CTNND2: variants seen among roughly 807,000 people sequenced by gnomAD.
CTNND2 encodes catenin delta 2, also known as catenin delta-2.
CTNND2 carries 22 observed loss-of-function variants against 144.4 expected under a neutral mutation model. The ratio of observed to expected loss-of-function variants is 0.15; its 90% confidence interval spans 0.11 to 0.22. CTNND2 has a LOEUF of 0.22. Ranked by LOEUF, CTNND2 falls within the 10% of genes least tolerant of loss-of-function variation. CTNND2 has a pLI of 1.00. For missense variants in CTNND2, 1,353 were observed against 1,618.8 expected (o/e 0.84, Z 2.82); for synonymous variants, 751 against 695.6 (o/e 1.08, Z -1.25).
chr5:11,229,195 T>A (rs1740705773), intron 10 of CTNND2, among the ~76,000 whole-genome samples: 1 of 152,200 alleles, frequency 6.6e-6, no homozygotes, highest in Admixed American at 6.5e-5. Flanking sequence ...TAAAGTCACA[T>A]AATAAAGTTT....
At chr5:11,283,696 AAAAAAAAAAAG>A (rs1747412051) in intron 9 of CTNND2, among the ~76,000 whole-genome samples, 1 of 148,640 alleles carries the variant, frequency 6.7e-6, no homozygotes, top group Non-Finnish European at 1.5e-5. Context: ...AAAAAAAAAA[AAAAAAAAAAAG>A]AGAGAGACAT....
At chr5:11,157,903 T>C (rs1283530255) in intron 12 of CTNND2, among the ~76,000 whole-genome samples, 2 of 152,198 alleles carry the variant, frequency 1.3e-5, no homozygotes, top group Non-Finnish European at 2.9e-5. Context: ...CAAACTGTGC[T>C]CCAGCAACAC....
intron 3 of CTNND2, among the ~76,000 whole-genome samples, chr5:11,443,416 T>G (rs1379267628): frequency 7.9e-6 from 1 of 126,926 alleles, no homozygotes; most frequent in South Asian, 2.7e-4. Flanking sequence ...GGGGGGTGTG[T>G]GGTGTGTGTG....
At chr5:11,357,009 T>C (rs917476582) in intron 8 of CTNND2, among the ~76,000 whole-genome samples, 9 of 152,056 alleles carry the variant, frequency 5.9e-5, no homozygotes, top group African/African-American at 2.2e-4. Flanking sequence ...AGAATGGCTA[T>C]TGTCAAAAAG....
chr5:11,067,758 T>C (rs1747770707), intron 16 of CTNND2, among the ~76,000 whole-genome samples: 1 of 152,244 alleles, frequency 6.6e-6, no homozygotes, highest in Non-Finnish European at 1.5e-5. Flanking sequence ...AATGAGCTCT[T>C]TAAACCCATC....
chr5:11,277,151 T>C (rs1746621361), intron 9 of CTNND2, among the ~76,000 whole-genome samples: 1 of 152,188 alleles, frequency 6.6e-6, no homozygotes, highest in Non-Finnish European at 1.5e-5. Flanking sequence ...CCTTTTTTTT[T>C]CTTTCCTAGA....
At chr5:11,253,248 T>C (rs1002294044) in intron 9 of CTNND2, among the ~76,000 whole-genome samples, 3 of 152,222 alleles carry the variant, frequency 2.0e-5, no homozygotes, top group Admixed American at 6.5e-5. Context: ...CCTCCCAGAT[T>C]TGTCATGTCC....
chr5:11,612,704 G>A (rs373977466), intron 2 of CTNND2, among the ~76,000 whole-genome samples: 5 of 152,048 alleles, frequency 3.3e-5, no homozygotes, highest in South Asian at 4.2e-4. Context: ...GTTTGAGACC[G>A]GCCTGGGCAA....
chr5:11,761,178 A>G (rs957475460), intron 1 of CTNND2, among the ~76,000 whole-genome samples: 3 of 152,140 alleles, frequency 2.0e-5, no homozygotes, highest in African/African-American at 7.2e-5. Flanking sequence ...TGCACACGGC[A>G]CCCGCATGAG....
chr5:10,993,548 C>T (rs1738948116), intron 18 of CTNND2, among the ~76,000 whole-genome samples: 1 of 152,108 alleles, frequency 6.6e-6, no homozygotes, highest in Non-Finnish European at 1.5e-5. Flanking sequence ...CCTGCTCCAC[C>T]CCCAAATCCT....
intron 3 of CTNND2, among the ~76,000 whole-genome samples, chr5:11,523,614 T>A (rs1316099667): frequency 6.6e-6 from 1 of 152,220 alleles, no homozygotes; most frequent in Non-Finnish European, 1.5e-5. Flanking sequence ...ATGAATTTAC[T>A]ACAGTGACAA....
intron 16 of CTNND2, among the ~76,000 whole-genome samples, chr5:11,042,034 C>T (rs1263218008): frequency 6.7e-6 from 1 of 149,500 alleles, no homozygotes; most frequent in African/African-American, 2.6e-5. Context: ...AATAGAGAAA[C>T]TTATGAGAAT....
intron 15 of CTNND2, among the ~76,000 whole-genome samples, chr5:11,094,487 T>C (rs1751128670): frequency 6.7e-6 from 1 of 150,090 alleles, no homozygotes; most frequent in African/African-American, 2.4e-5. Flanking sequence ...TTGCTTTTTT[T>C]TTTTTTTTTT....
chr5:11,374,149 A>T (rs1398448491), intron 7 of CTNND2, among the ~76,000 whole-genome samples: 2 of 152,102 alleles, frequency 1.3e-5, no homozygotes, highest in Non-Finnish European at 2.9e-5. Context: ...CAAGTGAGAG[A>T]CAGTCCTGAC....
At chr5:11,768,363 C>T (rs1051962335) in intron 1 of CTNND2, among the ~76,000 whole-genome samples, 7 of 152,158 alleles carry the variant, frequency 4.6e-5, no homozygotes, top group Non-Finnish European at 1.5e-5. Context: ...CATCTCAGCT[C>T]ACTGCAACCT....
intron 1 of CTNND2, among the ~76,000 whole-genome samples, chr5:11,756,093 T>G (rs2126795227): frequency 6.6e-6 from 1 of 151,762 alleles, no homozygotes; most frequent in South Asian, 2.1e-4. Flanking sequence ...AAGACTGCTT[T>G]TTAATGCTAA....
At chr5:11,705,767 G>A (rs1785662269) in intron 2 of CTNND2, among the ~76,000 whole-genome samples, 1 of 152,124 alleles carries the variant, frequency 6.6e-6, no homozygotes, top group African/African-American at 2.4e-5. Context: ...CCACTTTAGA[G>A]TGTCCACACT....
intron 3 of CTNND2, among the ~76,000 whole-genome samples, chr5:11,419,248 TG>T (rs1354847439): frequency 6.6e-6 from 1 of 152,076 alleles, no homozygotes; most frequent in African/African-American, 2.4e-5. Flanking sequence ...GAAGTTATTA[TG>T]ACAAAATGTT....
chr5:11,462,343 T>A (rs31945), intron 3 of CTNND2, among the ~76,000 whole-genome samples: 17,104 of 152,190 alleles, frequency 0.11, 1,252 homozygotes, highest in African/African-American at 0.2. Context: ...CCTGGCTTTC[T>A]GGCCTTCACT....
Sources: allele counts gnomAD v4.1 joint callset (sites outside exome capture counted in the v4.1 genomes callset), GRCh38; gene constraint gnomAD v4.1.1; transcripts MANE v1.5; gene names NCBI Gene and HGNC (gene_info 2026-07-23, HGNC 2026-07-21).